Variants in FARP1 observed in about 807,000 individuals in gnomAD.
FARP1 encodes the protein FERM, ARHGEF and pleckstrin domain-containing protein 1.
Under a neutral mutation model 128.8 loss-of-function variants are expected in FARP1, and 52 were observed. That is an observed-to-expected ratio of 0.40 (90% CI 0.32 to 0.51). The LOEUF (loss-of-function observed/expected upper bound fraction) is 0.51, where lower values mean the gene tolerates loss of function less well. FARP1 is among the 20% of genes least tolerant of loss of function. The pLI, the probability that FARP1 is intolerant of heterozygous loss-of-function variation, is 0.45. For missense variants in FARP1, 1,333 were observed against 1,367.9 expected (o/e 0.97, Z 0.40); for synonymous variants, 580 against 551.8 (o/e 1.05, Z -0.72).
At chr13:98,160,019 G>A (rs1289024642) in intron 1 of FARP1, among the ~76,000 whole-genome samples, 1 of 152,198 alleles carries the variant, frequency 6.6e-6, no homozygotes, top group Non-Finnish European at 1.5e-5. Flanking sequence ...TGGTCTTAAA[G>A]ATGTACTTTA....
At chr13:98,184,625 G>A (rs1425942814) in intron 1 of FARP1, among the ~76,000 whole-genome samples, 12 of 152,152 alleles carry the variant, frequency 7.9e-5, no homozygotes, top group African/African-American at 2.7e-4. Context: ...ATACCAAAAT[G>A]CGATTGCCTG....
At chr13:98,442,261 C>A (rs1247563686) in intron 24 of FARP1, among the ~76,000 whole-genome samples, 2 of 152,218 alleles carry the variant, frequency 1.3e-5, no homozygotes, top group East Asian at 3.9e-4. Context: ...TTTGCTGGCT[C>A]TTGGAACCAA....
chr13:98,214,064 A>C (rs9582201), intron 2 of FARP1, among the ~76,000 whole-genome samples: 116,273 of 152,064 alleles, frequency 0.76, 44,796 homozygotes, highest in East Asian at 0.99. Context: ...GAGGTGTCAC[A>C]GGAGGAGCCG....
intron 2 of FARP1, among the ~76,000 whole-genome samples, chr13:98,254,202 A>G (rs1016622394): frequency 6.6e-6 from 1 of 152,224 alleles, no homozygotes; most frequent in Admixed American, 6.5e-5. Context: ...CTCATCTCAT[A>G]ATGATGCACT....
chr13:98,241,574 G>A (rs1428776697), intron 2 of FARP1, among the ~76,000 whole-genome samples: 1 of 152,164 alleles, frequency 6.6e-6, no homozygotes, highest in Non-Finnish European at 1.5e-5. Flanking sequence ...GAGGCCAGGA[G>A]CTCAAGACCA....
At chr13:98,408,962 C>A (rs897279673) in intron 13 of FARP1, among the ~76,000 whole-genome samples, 1 of 151,496 alleles carries the variant, frequency 6.6e-6, no homozygotes, top group African/African-American at 2.5e-5. Context: ...ATTTTCTAAT[C>A]ATTTCCCCAT....
chr13:98,394,622 A>T (rs1001298807), intron 12 of FARP1, among the ~76,000 whole-genome samples: 2 of 152,022 alleles, frequency 1.3e-5, no homozygotes, highest in African/African-American at 4.8e-5. Context: ...GGCAACGTAG[A>T]CCCCAGTCTC....
intron 1 of FARP1, among the ~76,000 whole-genome samples, chr13:98,157,786 T>A (rs1876593500): frequency 6.6e-6 from 1 of 152,228 alleles, no homozygotes; most frequent in Non-Finnish European, 1.5e-5. Flanking sequence ...TTTACACATC[T>A]GCATTCCTAA....
intron 2 of FARP1, among the ~76,000 whole-genome samples, chr13:98,288,242 G>A (rs550157085): frequency 6.6e-6 from 1 of 152,122 alleles, no homozygotes; most frequent in Non-Finnish European, 1.5e-5. Flanking sequence ...GATGGTATAG[G>A]TTTGCTTATG....
In FARP1 at chr13:98,440,676, C is replaced by T. The variant is rs542206907; in HGVS notation, c.2636C>T (p.Pro879Leu). 2 of 1,612,366 alleles carry T rather than the reference C, an allele frequency of 1.2e-6. No individual in the cohort carries two copies. The highest frequency in any genetic ancestry group is 1.3e-5 in the African/African-American group (1 of 75,018). ...CTTTTGCCCCATCCTGTAGAGTCCC[C>T]TGATGAAGCCACCGCGGCTGACCAG... ...LASSPPDNKS[P>L]DEATAADQES... is the part of the protein sequence containing the mutation. The change falls in exon 24 of 27, where the codon CCT becomes CTT. Residue 879 changes from proline (P) to leucine (L), a missense_variant. By Grantham distance (98) the Pro-to-Leu change is moderately conservative. Transcript: ENST00000319562.
chr13:98,290,824 A>G (rs1885415849), intron 2 of FARP1, among the ~76,000 whole-genome samples: 1 of 152,202 alleles, frequency 6.6e-6, no homozygotes. Context: ...GATGACTCCA[A>G]GGTTTTTGGG....
intron 2 of FARP1, among the ~76,000 whole-genome samples, chr13:98,290,275 A>G (rs1161769868): frequency 1.3e-5 from 2 of 152,102 alleles, no homozygotes; most frequent in Non-Finnish European, 2.9e-5. Flanking sequence ...AGGAGAGAGC[A>G]TAATGGTGTG....
In FARP1 at chr13:98,453,417, A is replaced by G; in HGVS notation, c.*5100A>G. On this transcript the variant is annotated 3_prime_UTR_variant, in exon 27 of 27. Coordinates refer to ENST00000319562, the MANE Select transcript of FARP1 (RefSeq NM_005766.4). ...GATTCTTACACAAAAACTCCAGAGC[A>G]TGTCACCAAAAACCAAGAATGGGTT... The G allele has an allele frequency of 1.8e-6, 1 of 570,598 alleles. No individual in the cohort carries two copies. Among genetic ancestry groups the G allele is most frequent in the Non-Finnish European group, 3.0e-6 (1 of 331,558 alleles). The allele number at this position is 570,598 out of a possible 1,614,324, so 35.3% of individuals were successfully genotyped here.
chr13:98,245,893 C>T (rs1438512367), intron 2 of FARP1, among the ~76,000 whole-genome samples: 2 of 151,500 alleles, frequency 1.3e-5, no homozygotes, highest in African/African-American at 2.4e-5. Flanking sequence ...CTCAGCCTCC[C>T]GGGTAGCTGG....
intron 2 of FARP1, among the ~76,000 whole-genome samples, chr13:98,231,171 G>A (rs1316843499): frequency 6.6e-6 from 1 of 152,120 alleles, no homozygotes; most frequent in Non-Finnish European, 1.5e-5. Flanking sequence ...GCAGGGAATG[G>A]TTTAGCAGTT....
intron 2 of FARP1, among the ~76,000 whole-genome samples, chr13:98,287,999 A>G (rs1468730013): frequency 6.6e-6 from 1 of 151,950 alleles, no homozygotes; most frequent in Admixed American, 6.6e-5. Context: ...ACAGAGTTTC[A>G]CCATCTTGGC....
chr13:98,317,429 C>A (rs1886769085), intron 2 of FARP1, among the ~76,000 whole-genome samples: 1 of 152,152 alleles, frequency 6.6e-6, no homozygotes, highest in African/African-American at 2.4e-5. Flanking sequence ...GCAAATGAAA[C>A]CCCATTTTGG....
intron 2 of FARP1, among the ~76,000 whole-genome samples, chr13:98,296,107 C>G (rs577538787): frequency 1.3e-5 from 2 of 152,070 alleles, no homozygotes; most frequent in African/African-American, 4.8e-5. Context: ...ACCCGAGCAT[C>G]GATACATTAT....
In FARP1 at chr13:98,388,408, A is replaced by C; in HGVS notation, c.785A>C (p.Asn262Thr). 1 of 1,614,104 alleles carries C rather than the reference A, an allele frequency of 6.2e-7. No homozygotes were observed. The highest frequency in any genetic ancestry group is 8.5e-7 in the Non-Finnish European group (1 of 1,179,944). ...FQGFTKINAFNWAKVRKLSFK... is the reference protein window; with the variant it reads ...FQGFTKINAFTWAKVRKLSFK... ...GGTTTCACTAAGATCAATGCCTTCA[A>C]CTGGGCCAAGGTGCGGAAGCTGAGC... The change falls in exon 9 of 27, where the codon AAC becomes ACC. Residue 262 changes from asparagine (N) to threonine (T), a missense_variant. Around this residue, in one of 2 missense-constraint regions of FARP1, gnomAD observed 324 missense variants for 398.1 expected, o/e 0.81. Coordinates refer to ENST00000319562, the MANE Select transcript of FARP1 (RefSeq NM_005766.4).
Sources: gnomAD v4.1 joint callset for allele counts (sites outside exome capture counted in the v4.1 genomes callset) on GRCh38, gnomAD v4.1.1 for gene constraint, gnomAD v4.1.1 regional missense constraint, MANE v1.5 for transcripts, NCBI Gene and HGNC (gene_info 2026-07-23, HGNC 2026-07-21) for gene names.